The following WDR7 variants were observed in gnomAD, a reference collection of about 807,000 sequenced individuals.
WDR7 encodes WD repeat domain 7, also known as WD repeat-containing protein 7.
WDR7 carries 46 observed loss-of-function variants against 169.4 expected under a neutral mutation model. The ratio of observed to expected loss-of-function variants is 0.27; its 90% CI spans 0.21 to 0.35. The LOEUF is 0.35. Among genes scored for constraint, WDR7 ranks in the 10% least tolerant of loss-of-function variants. The pLI is 1.00. For missense variants in WDR7, 1,534 were observed against 1,859.3 expected, an observed-to-expected ratio of 0.83 and a Z score of 3.22; for synonymous variants, 612 against 666.8, an observed-to-expected ratio of 0.92 and a Z score of 1.27.
rs755333326 is a variant in WDR7 at position 56,731,413 on chromosome 18, C to T, written c.1805C>T (p.Thr602Ile). ...GALDRCVMGITAVEILNACDE... is the reference protein window; with the variant it reads ...GALDRCVMGIIAVEILNACDE... ...TTGGATCGTTGTGTGATGGGGATAA[C>T]AGCAGTTGAGATTCTAAACGCTTGT... Residue 602 changes from threonine (T) to isoleucine (I), a missense_variant, in exon 14 of 28, where the codon ACA becomes ATA. Coordinates refer to ENST00000254442, the MANE Select transcript of WDR7 (RefSeq NM_015285.3). 2 of 1,614,120 alleles carry T rather than the reference C, an allele frequency of 1.2e-6. No individual in the cohort carries two copies. The highest frequency in any genetic ancestry group is 2.2e-5 in the East Asian group (1 of 44,880).
At chr18:56,943,192 G>A (rs1657389) in intron 25 of WDR7, among the ~76,000 whole-genome samples, 1,615 of 152,268 alleles carry the variant, frequency 0.011, 33 homozygotes, top group African/African-American at 0.037. Context: ...TGTCTGTACC[G>A]TTGGATTCTA....
At chr18:56,813,978 C>T (rs2044921236) in intron 19 of WDR7, among the ~76,000 whole-genome samples, 1 of 152,138 alleles carries the variant, frequency 6.6e-6, no homozygotes, top group Admixed American at 6.6e-5. Context: ...TTGTGTGATT[C>T]TGTGGTTTCT....
chr18:56,960,124 A>G (rs1373445922), intron 25 of WDR7, among the ~76,000 whole-genome samples: 1 of 152,236 alleles, frequency 6.6e-6, no homozygotes, highest in Non-Finnish European at 1.5e-5. Context: ...TTAGTCCAGT[A>G]GTAAATTCCA....
chr18:56,796,622 C>G (rs1253888836), intron 19 of WDR7, among the ~76,000 whole-genome samples: 1 of 152,134 alleles, frequency 6.6e-6, no homozygotes, highest in Non-Finnish European at 1.5e-5. Context: ...GTGTCACTAT[C>G]TAATTGCCCT....
chr18:56,945,442 A>G (rs561551260), intron 25 of WDR7, among the ~76,000 whole-genome samples: 1 of 152,348 alleles, frequency 6.6e-6, no homozygotes, highest in African/African-American at 2.4e-5. Context: ...AGGTTCTCAT[A>G]GAGAAGACAT....
At chr18:56,682,642 C>T (rs553476265) in intron 4 of WDR7, 37 bp from the exon 5 acceptor site, 3 of 1,591,106 alleles carry the variant, frequency 1.9e-6, no homozygotes, top group African/African-American at 1.4e-5. Flanking sequence ...TAAAGGAGAA[C>T]ACTCAGAAAT....
chr18:57,015,486 C>T (rs1373172169), intron 26 of WDR7, among the ~76,000 whole-genome samples: 3 of 152,028 alleles, frequency 2.0e-5, no homozygotes, highest in Non-Finnish European at 2.9e-5. Context: ...AACTTTTAAA[C>T]TCTTTTGAAA....
rs77927296 is a variant in WDR7, at chr18:56,956,352, G to A, written c.4065-6078G>A. On this transcript the variant is annotated intron_variant, in intron 25 of 27. Transcript: ENST00000254442. The stretch of plus-strand genomic sequence containing the variant: ...AACCTTTCAAACATATTAGCAGCAT[G>A]GCAGTCTGAAATTCTGGAGGGTGTA... Among the ~76,000 whole-genome samples, 589 of 152,214 alleles carry A rather than the reference G, an allele frequency of 3.9e-3. 3 individuals carry two copies. The highest frequency in any genetic ancestry group is 5.6e-3 in the Non-Finnish European group (381 of 67,990).
chr18:56,726,601 G>T (rs2026461801), intron 13 of WDR7, among the ~76,000 whole-genome samples: 1 of 152,102 alleles, frequency 6.6e-6, no homozygotes, highest in Admixed American at 6.5e-5. Context: ...TCTGCAAACA[G>T]GGACAATTTG....
In WDR7 at chr18:56,696,471, A is replaced by G. The variant is rs1356346546; in HGVS notation, c.1578+9A>G. ...CACCTGAAAACTGTAGTGTAAGTTG[A>G]TTTATATAAAAGATTATTTCACTAT... is the stretch of plus-strand genomic sequence containing the variant. On this transcript the variant is annotated intron_variant, in intron 12 of 27. Transcript: ENST00000254442. The G allele has an allele frequency of 2.5e-6, 4 of 1,599,686 alleles. No individual in the cohort carries two copies. The South Asian group carries it at 3.4e-5, about 13-fold the overall frequency.
At chr18:56,779,667 A>G in intron 18 of WDR7, 118 bp downstream of exon 18, 1 of 739,018 alleles carries the variant, frequency 1.4e-6, no homozygotes, top group African/African-American at 1.8e-5. Flanking sequence ...ATTATGTGAT[A>G]GAAAATGTGG....
intron 1 of WDR7, among the ~76,000 whole-genome samples, chr18:56,654,779 T>C (rs1415951385): frequency 6.6e-6 from 1 of 152,232 alleles, no homozygotes; most frequent in Non-Finnish European, 1.5e-5. Flanking sequence ...CTATGTTATG[T>C]ACTGCTAATT....
rs1461628099 is a variant in WDR7, at chr18:56,679,567, T to A, written c.266+129T>A. 3 of 537,824 alleles carry A rather than the reference T, an allele frequency of 5.6e-6. No homozygotes were observed. In the East Asian group the frequency reaches 9.2e-5, roughly 17 times the overall value. 33.3% of individuals were successfully genotyped at this position (537,824 alleles called of 1,614,324 possible). On this transcript the variant is annotated intron_variant, in intron 3 of 27. Transcript: ENST00000254442. The stretch of plus-strand genomic sequence containing the variant: ...AAATAAATGCTTTGTATTGTCTAAA[T>A]CTAAATGTAGATATTTAAAATCTGA...
In WDR7 at chr18:56,707,375, G is replaced by T. The variant is rs370946201; in HGVS notation, c.1579-10589G>T. On this transcript the variant is annotated intron_variant, in intron 12 of 27. Coordinates refer to ENST00000254442, the MANE Select transcript of WDR7 (RefSeq NM_015285.3). ...CTATGGCCAGGTGGTTTTAAAACCC[G>T]TACAAATTAGGGATGACTTCTCTTC... 6.4e-4 allele frequency among the ~76,000 whole-genome samples: 97 copies of T among 150,474 alleles called. 1 individual carries two copies. The South Asian group carries it at 0.02, about 31-fold the overall frequency.
intron 25 of WDR7, among the ~76,000 whole-genome samples, chr18:56,949,781 G>A (rs1268572375): frequency 2.6e-5 from 4 of 152,164 alleles, no homozygotes; most frequent in Non-Finnish European, 5.9e-5. Context: ...ATTATGCACT[G>A]GTCTTCGGAG....
intron 21 of WDR7, among the ~76,000 whole-genome samples, chr18:56,882,145 C>G (rs1360725102): frequency 2.6e-5 from 4 of 152,226 alleles, no homozygotes; most frequent in African/African-American, 9.6e-5. Flanking sequence ...TCTTCAAGAT[C>G]CCTGCTATCC....
At chr18:57,016,522 T>C (rs1447132432) in intron 26 of WDR7, among the ~76,000 whole-genome samples, 4 of 152,200 alleles carry the variant, frequency 2.6e-5, no homozygotes, top group African/African-American at 9.6e-5. Context: ...TGGTTTCAAG[T>C]CCCAAACTTG....
rs190829603 is a variant in WDR7 at position 57,014,511 on chromosome 18, C to A, written c.4165-6234C>A. On this transcript the variant is annotated intron_variant, in intron 26 of 27. Coordinates refer to ENST00000254442, the MANE Select transcript of WDR7 (RefSeq NM_015285.3). Reference sequence around the variant, plus strand: ...GTCTCTACTAAAAATACAAAAAATTCGCCAGGCGGTTGGTGGGTGCCTATA... The same window carrying A: ...GTCTCTACTAAAAATACAAAAAATTAGCCAGGCGGTTGGTGGGTGCCTATA... Among the ~76,000 whole-genome samples the A allele has an allele frequency of 3.6e-4, 54 of 150,386 alleles. 1 individual carries two copies. The highest frequency in any genetic ancestry group is 1.3e-3 in the African/African-American group (53 of 40,954).
At position 56,695,224 on chromosome 18, in the gene WDR7, A is replaced by G. The variant is rs762918820; in HGVS notation, c.1357+26A>G. 2.5e-6 allele frequency: 4 copies of G among 1,600,128 alleles called. No homozygotes were observed. The Admixed American group carries it at 5.1e-5, about 21-fold the overall frequency. On this transcript the variant is annotated intron_variant, in intron 11 of 27. Coordinates refer to ENST00000254442, the MANE Select transcript of WDR7 (RefSeq NM_015285.3). ...GTATACTGAAGAGCTCCGTATGTCTAAAGTGTTTTGACAACTCTTACCCAG... is the reference window on the plus strand; with the variant it reads ...GTATACTGAAGAGCTCCGTATGTCTGAAGTGTTTTGACAACTCTTACCCAG...
Sources: allele counts gnomAD v4.1 joint callset (sites outside exome capture counted in the v4.1 genomes callset), GRCh38; gene constraint gnomAD v4.1.1; transcripts MANE v1.5; gene names NCBI Gene and HGNC (gene_info 2026-07-23, HGNC 2026-07-21).